The following SEC31A variants were observed in gnomAD, a reference collection of about 807,000 sequenced individuals.
SEC31A encodes SEC31 homolog A, COPII component, also known as protein transport protein Sec31A.
A neutral mutation model predicts 151.0 loss-of-function variants in SEC31A; 70 were observed. The ratio of observed to expected loss-of-function variants is 0.46; its 90% CI spans 0.38 to 0.57. SEC31A has a LOEUF of 0.57. SEC31A is among the 20% of genes least tolerant of loss of function. The pLI is 0.00. For synonymous variants in SEC31A, 475 were observed against 505.9 expected (o/e 0.94, Z 0.82); for missense variants, 1,330 against 1,471.2 (o/e 0.90, Z 1.57).
intron 25 of SEC31A, among the ~76,000 whole-genome samples, chr4:82,822,091 T>C (rs1723491077): frequency 3.9e-5 from 6 of 152,032 alleles, no homozygotes; most frequent in Admixed American, 3.3e-4. Flanking sequence ...AAACTAACAG[T>C]TTTAAAATTA....
chr4:82,885,592 C>T (rs1279328579), intron 1 of SEC31A, among the ~76,000 whole-genome samples: 1 of 152,142 alleles, frequency 6.6e-6, no homozygotes, highest in African/African-American at 2.4e-5. Flanking sequence ...TTATCTTTCT[C>T]AGTGTTTACC....
intron 11 of SEC31A, 69 bp downstream of exon 11, chr4:82,864,293 A>AT (rs1734829501): frequency 9.2e-7 from 1 of 1,084,324 alleles, no homozygotes; most frequent in African/African-American, 1.6e-5. Context: ...AGGAGGACAG[A>AT]TTTAGAATAT....
In SEC31A at chr4:82,871,986, C is replaced by T. The variant is rs1167669263; in HGVS notation, c.740G>A (p.Arg247Gln). 1.9e-6 allele frequency: 3 copies of T among 1,614,148 alleles called. No individual in the cohort carries two copies. Among genetic ancestry groups the T allele is most frequent in the East Asian group, 2.2e-5 (1 of 44,884 alleles). Residue 247 changes from arginine (R) to glutamine (Q), a missense_variant, in exon 7 of 27, where the codon CGA becomes CAA. Arg to Gln is a conservative substitution (Grantham distance 43, BLOSUM62 1). Coordinates refer to ENST00000395310, the MANE Select transcript of SEC31A (RefSeq NM_001077207.4). ...RLPVIQMWDL[R>Q]FASSPLRVLE... ...GACACGAAGTGGAGAGGAAGCAAAT[C>T]GAAGATCCCACATCTGGATCACTGG...
chr4:82,867,846 T>C (rs1735750619), intron 8 of SEC31A, among the ~76,000 whole-genome samples: 1 of 152,198 alleles, frequency 6.6e-6, no homozygotes, highest in Admixed American at 6.5e-5. Context: ...TTGGCCAGGC[T>C]TGCCTTGAAC....
intron 22 of SEC31A, among the ~76,000 whole-genome samples, chr4:82,839,213 C>T (rs973918115): frequency 8.6e-5 from 13 of 152,036 alleles, no homozygotes; most frequent in Admixed American, 2.0e-4. Context: ...TGCAGTGGTG[C>T]GATCTCGGCT....
chr4:82,880,484 G>A (rs1327380849), intron 3 of SEC31A, among the ~76,000 whole-genome samples: 1 of 151,944 alleles, frequency 6.6e-6, no homozygotes, highest in East Asian at 1.9e-4. Context: ...AGCTACTCGG[G>A]AGGCTGAGGC....
intron 4 of SEC31A, among the ~76,000 whole-genome samples, chr4:82,876,489 T>C (rs1264311544): frequency 1.3e-5 from 2 of 152,206 alleles, no homozygotes; most frequent in Non-Finnish European, 2.9e-5. Flanking sequence ...GATTTAATTA[T>C]AAGATTAAAA....
chr4:82,867,937 G>A (rs1368153200), intron 8 of SEC31A, among the ~76,000 whole-genome samples: 1 of 152,146 alleles, frequency 6.6e-6, no homozygotes, highest in East Asian at 1.9e-4. Context: ...CCGGCCTAGG[G>A]CCAACTTTTT....
intron 24 of SEC31A, among the ~76,000 whole-genome samples, chr4:82,825,770 C>A (rs1458596903): frequency 6.6e-6 from 1 of 152,088 alleles, no homozygotes; most frequent in Non-Finnish European, 1.5e-5. Context: ...GAGGTTCCTG[C>A]ACTGATGAAG....
chr4:82,888,336 G>A (rs769507749), intron 1 of SEC31A, among the ~76,000 whole-genome samples: 2 of 46,580 alleles, frequency 4.3e-5, no homozygotes, highest in Admixed American at 1.7e-4. Context: ...GGGAGACAGA[G>A]CGAGACTCCG....
At chr4:82,884,051 G>A (rs1271120801) in intron 1 of SEC31A, among the ~76,000 whole-genome samples, 10 of 146,608 alleles carry the variant, frequency 6.8e-5, no homozygotes, top group African/African-American at 1.5e-4. Flanking sequence ...ACAGTGGGGC[G>A]ATCTCGGCTC....
chr4:82,886,926 C>T (rs1475219934), intron 1 of SEC31A, among the ~76,000 whole-genome samples: 1 of 152,172 alleles, frequency 6.6e-6, no homozygotes, highest in African/African-American at 2.4e-5. Context: ...AACTTTTACC[C>T]CTTTTTAGAC....
At chr4:82,860,262 G>GGGAA (rs1409468813) in intron 14 of SEC31A, among the ~76,000 whole-genome samples, 3 of 151,906 alleles carry the variant, frequency 2.0e-5, no homozygotes, top group Admixed American at 1.3e-4. Context: ...TGAGACAAAG[G>GGGAA]GGAAGATTTT....
At chr4:82,830,983 C>A (rs1265971144) in intron 22 of SEC31A, 2 of 1,189,190 alleles carry the variant, frequency 1.7e-6, no homozygotes, top group African/African-American at 3.1e-5. Context: ...TTTCTGTAGA[C>A]AAAATGTAAA....
At chr4:82,881,459 C>T (rs931866429) in intron 2 of SEC31A, among the ~76,000 whole-genome samples, 5 of 148,718 alleles carry the variant, frequency 3.4e-5, no homozygotes, top group African/African-American at 1.3e-4. Flanking sequence ...AGCAAGACTC[C>T]ATCTCAAAAA....
At chr4:82,878,184 G>T (rs554133929) in intron 4 of SEC31A, among the ~76,000 whole-genome samples, 1 of 152,148 alleles carries the variant, frequency 6.6e-6, no homozygotes, top group African/African-American at 2.4e-5. Flanking sequence ...ATCAAATGGC[G>T]TGACATCTTC....
intron 13 of SEC31A, 175 bp from the exon 14 acceptor site, chr4:82,861,883 T>C (rs1249833407): frequency 9.6e-6 from 4 of 418,008 alleles, no homozygotes; most frequent in Non-Finnish European, 1.7e-5. Context: ...CAAAGAACTA[T>C]TACTGCTAAC....
At chr4:82,822,547 C>A (rs1388196847) in intron 25 of SEC31A, among the ~76,000 whole-genome samples, 3 of 152,134 alleles carry the variant, frequency 2.0e-5, no homozygotes, top group Non-Finnish European at 4.4e-5. Context: ...ATGCTACATA[C>A]CAAGTTGTGT....
chr4:82,891,266 G>T (rs1179698985), upstream of SEC31A: 9 of 1,276,936 alleles, frequency 7.0e-6, no homozygotes, highest in Non-Finnish European at 9.7e-6. Context: ...ATCTTTCCCC[G>T]CCCACCCGAC....
Sources: gnomAD v4.1 joint callset for allele counts (sites outside exome capture counted in the v4.1 genomes callset) on GRCh38, gnomAD v4.1.1 for gene constraint, MANE v1.5 for transcripts, NCBI Gene and HGNC (gene_info 2026-07-23, HGNC 2026-07-21) for gene names.